Variants in SP140 observed in about 807,000 individuals in gnomAD.
SP140 encodes SP140 nuclear body protein.
SP140 carries 81 observed loss-of-function variants against 125.0 expected under a neutral mutation model. That is an observed-to-expected ratio of 0.65 (90% CI 0.54 to 0.78). The LOEUF (loss-of-function observed/expected upper bound fraction) is 0.78, where lower values mean the gene tolerates loss of function less well. Ranked by LOEUF, SP140 falls within the 30% of genes least tolerant of loss-of-function variation. SP140 has a pLI of 0.00. For missense variants in SP140, 858 were observed against 1,037.0 expected (o/e 0.83, Z 2.37); for synonymous variants, 312 against 354.0 (o/e 0.88, Z 1.33).
Position 230,272,127 on chromosome 2 carries a change from A to G in SP140, c.1498+1488A>G, listed in dbSNP as rs559910825. On this transcript the variant is annotated intron_variant, in intron 15 of 26. Coordinates refer to ENST00000392045, the MANE Select transcript of SP140 (RefSeq NM_007237.5). ...TAGGAAGAATCAATATCATTTTAAAATGGTCATACTGCCCAAAGCAATTTA... is the reference window on the plus strand; with the variant it reads ...TAGGAAGAATCAATATCATTTTAAAGTGGTCATACTGCCCAAAGCAATTTA... Among the ~76,000 whole-genome samples, 38 of 152,344 alleles carry G rather than the reference A, an allele frequency of 2.5e-4. No homozygotes were observed. In the South Asian group the frequency reaches 7.3e-3, roughly 29 times the overall value.
chr2:230,201,778 A>G (rs2043205718), upstream of SP140, among the ~76,000 whole-genome samples: 1 of 152,266 alleles, frequency 6.6e-6, no homozygotes, highest in Non-Finnish European at 1.5e-5. Context: ...TTCAAAATGC[A>G]AGGTGGATTA....
the SP140 span, among the ~76,000 whole-genome samples, chr2:230,193,324 T>C: frequency 6.6e-6 from 1 of 152,342 alleles, no homozygotes; most frequent in East Asian, 1.9e-4. Flanking sequence ...CTGTATCTTT[T>C]AAGTGGAGCA....
chr2:230,288,452 A>ACTTTCTTT (rs1553599852), intron 18 of SP140, among the ~76,000 whole-genome samples: 1 of 141,564 alleles, frequency 7.1e-6, no homozygotes, highest in Non-Finnish European at 1.6e-5. Context: ...AATTAGGCCA[A>ACTTTCTTT]CTATCTTTCT....
intron 22 of SP140, among the ~76,000 whole-genome samples, chr2:230,307,990 TACAC>T (rs139416979): frequency 0.018 from 955 of 52,462 alleles, 30 homozygotes; most frequent in Admixed American, 0.057. Flanking sequence ...TATATATATA[TACAC>T]ACACACACAC....
At chr2:230,257,024 C>T (rs780582681) in intron 12 of SP140, among the ~76,000 whole-genome samples, 1 of 151,884 alleles carries the variant, frequency 6.6e-6, no homozygotes, top group Admixed American at 6.6e-5. Flanking sequence ...TGATAAGACC[C>T]AAGAAAAAAG....
In SP140 at chr2:230,285,741, C is replaced by T; in HGVS notation, c.1565-11C>T. Reference sequence around the variant, plus strand: ...AGTTCTATTAATACATTTTCCCCTGCCTATCCCCAGATAATAGCAAAGCCG... The same window carrying T: ...AGTTCTATTAATACATTTTCCCCTGTCTATCCCCAGATAATAGCAAAGCCG... On this transcript the variant is annotated splice_polypyrimidine_tract_variant and intron_variant, in intron 16 of 26. Transcript: ENST00000392045. 6.2e-7 allele frequency: 1 copy of T among 1,609,424 alleles called. No individual in the cohort carries two copies. Among genetic ancestry groups the T allele is most frequent in the Non-Finnish European group, 8.5e-7 (1 of 1,175,826 alleles).
intron 2 of SP140, 45 bp from the exon 3 acceptor site, chr2:230,238,168 C>A (rs760295258): frequency 1.4e-6 from 2 of 1,401,540 alleles, no homozygotes; most frequent in East Asian, 4.6e-5. Flanking sequence ...TCTTTTGTAA[C>A]CCATAAATCT....
At chr2:230,303,981 A>G (rs1274489824) in intron 22 of SP140, among the ~76,000 whole-genome samples, 1 of 152,212 alleles carries the variant, frequency 6.6e-6, no homozygotes, top group African/African-American at 2.4e-5. Context: ...CTGGTCGCCA[A>G]TATGATCGTA....
chr2:230,294,365 T>C (rs2149499891), intron 21 of SP140, 47 bp downstream of exon 21: 1 of 1,428,772 alleles, frequency 7.0e-7, no homozygotes, highest in East Asian at 2.3e-5. Flanking sequence ...ATAACTGATT[T>C]AGCATGCACA....
At chr2:230,291,948 C>T (rs961103018) in intron 19 of SP140, among the ~76,000 whole-genome samples, 2 of 152,184 alleles carry the variant, frequency 1.3e-5, no homozygotes, top group Non-Finnish European at 2.9e-5. Flanking sequence ...TTATTACAGT[C>T]ATACTGTCAT....
intron 1 of SP140, among the ~76,000 whole-genome samples, chr2:230,233,495 A>C (rs140110348): frequency 0.01 from 1,523 of 152,288 alleles, 22 homozygotes; most frequent in African/African-American, 0.034. Flanking sequence ...AGTGCTTCTC[A>C]AGTATTTGGG....
At chr2:230,313,509 T>A (rs1387179326), downstream of SP140, among the ~76,000 whole-genome samples, 1 of 152,200 alleles carries the variant, frequency 6.6e-6, no homozygotes, top group Admixed American at 6.5e-5. Context: ...GCGGCTACTC[T>A]GTGTTCCCAG....
chr2:230,308,260 G>A (rs2059002970), intron 22 of SP140, among the ~76,000 whole-genome samples: 1 of 151,802 alleles, frequency 6.6e-6, no homozygotes, highest in African/African-American at 2.4e-5. Flanking sequence ...GAGGGTGAGG[G>A]ATAAAAGACT....
At chr2:230,270,766 C>A in intron 15 of SP140, 127 bp downstream of exon 15, 1 of 909,198 alleles carries the variant, frequency 1.1e-6, no homozygotes, top group Non-Finnish European at 1.8e-6. Flanking sequence ...GAAGGATGAC[C>A]TCCCTAAGAT....
At chr2:230,241,334 T>G in intron 3 of SP140, 70 bp from the exon 4 acceptor site, 1 of 953,810 alleles carries the variant, frequency 1.0e-6, no homozygotes, top group Non-Finnish European at 1.7e-6. Context: ...ATCAAGTTCA[T>G]CTTGAGCACA....
chr2:230,241,535 T>A, intron 4 of SP140, 48 bp downstream of exon 4: 1 of 1,129,872 alleles, frequency 8.9e-7, no homozygotes, highest in Non-Finnish European at 1.4e-6. Context: ...TTTTGCTTCC[T>A]TGCCTTCATG....
chr2:230,217,082 C>T (rs1458546598), intron 3 of SP140, among the ~76,000 whole-genome samples: 1 of 151,950 alleles, frequency 6.6e-6, no homozygotes, highest in Non-Finnish European at 1.5e-5. Flanking sequence ...TCTGTCTCTA[C>T]TAAAAATACA....
At chr2:230,199,221 TTTTTTG>T (rs1430593045), upstream of SP140, among the ~76,000 whole-genome samples, 17 of 142,772 alleles carry the variant, frequency 1.2e-4, no homozygotes, top group Non-Finnish European at 2.5e-4. Context: ...TTTTTTTTTT[TTTTTTG>T]AGACAGAGTC....
At chr2:230,204,700 A>C (rs965384264) in intron 1 of SP140, among the ~76,000 whole-genome samples, 21 of 152,306 alleles carry the variant, frequency 1.4e-4, no homozygotes, top group South Asian at 4.1e-4. Flanking sequence ...ATTACAATAG[A>C]GTATTTGGAA....
Sources: gnomAD v4.1 joint callset for allele counts (sites outside exome capture counted in the v4.1 genomes callset) on GRCh38, gnomAD v4.1.1 for gene constraint, MANE v1.5 for transcripts, NCBI Gene and HGNC (gene_info 2026-07-23, HGNC 2026-07-21) for gene names.